The following PTH2R variants were observed in gnomAD, a reference collection of about 807,000 sequenced individuals.
PTH2R encodes the protein parathyroid hormone 2 receptor.
A neutral mutation model predicts 60.3 loss-of-function variants in PTH2R; 59 were observed. The observed-to-expected ratio is 0.98, with a 90% confidence interval of 0.79 to 1.22. The LOEUF (loss-of-function observed/expected upper bound fraction) is 1.22. Ranked by LOEUF, PTH2R falls within the 50% of genes most tolerant of loss-of-function variation. The probability of loss-of-function intolerance (pLI) is 0.00; values close to 1 mark genes in which losing one functional copy is unlikely to be tolerated. For synonymous variants in PTH2R, 256 were observed against 243.8 expected (o/e 1.05, Z -0.47); for missense variants, 749 against 682.6 (o/e 1.10, Z -1.08).
chr2:208,467,626 C>CT (rs1352573907), intron 9 of PTH2R, among the ~76,000 whole-genome samples: 9 of 152,160 alleles, frequency 5.9e-5, no homozygotes, highest in Admixed American at 2.0e-4. Context: ...GGCTAAGTAG[C>CT]TTTATTGGAG....
chr2:208,481,006 G>A (rs955779212), intron 9 of PTH2R, 64 bp from the exon 10 acceptor site: 12 of 1,216,268 alleles, frequency 9.9e-6, no homozygotes, highest in Admixed American at 2.2e-5. Flanking sequence ...TTCAATTTAT[G>A]TAAATGTTTA....
intron 9 of PTH2R, among the ~76,000 whole-genome samples, chr2:208,477,907 GTAC>G (rs1703045735): frequency 1.4e-5 from 2 of 147,350 alleles, no homozygotes; most frequent in Non-Finnish European, 3.0e-5. Flanking sequence ...ACTACTACTA[GTAC>G]TAGCACTACT....
intron 8 of PTH2R, among the ~76,000 whole-genome samples, chr2:208,452,096 A>G (rs1702417601): frequency 6.6e-6 from 1 of 152,204 alleles, no homozygotes; most frequent in Non-Finnish European, 1.5e-5. Context: ...AACACTTAGC[A>G]TAGTACCTGG....
chr2:208,399,878 G>A (rs1180279510), intron 1 of PTH2R, among the ~76,000 whole-genome samples: 1 of 152,052 alleles, frequency 6.6e-6, no homozygotes, highest in Non-Finnish European at 1.5e-5. Context: ...TTTCCTTTCT[G>A]ATAGAGAAAA....
In PTH2R at chr2:208,490,810, T is replaced by C. The variant is rs576979002; in HGVS notation, c.1257+130T>C. ...GGTGAGGAGAAGGAAGCTATTTTAA[T>C]CATAAATTATTTTGGAAAAGAAAGA... On this transcript the variant is annotated intron_variant, in intron 12 of 12. Coordinates refer to ENST00000272847, the MANE Select transcript of PTH2R (RefSeq NM_005048.4). 10 of 835,978 alleles carry C rather than the reference T, an allele frequency of 1.2e-5. 1 individual carries two copies. In the South Asian group the frequency reaches 1.7e-4, roughly 15 times the overall value. 51.8% of individuals were successfully genotyped at this position (835,978 alleles called of 1,614,324 possible). A position where few individuals can be genotyped will look rare whatever the true frequency, so the allele number is the denominator to read the frequency against.
intron 4 of PTH2R, among the ~76,000 whole-genome samples, chr2:208,438,177 A>G (rs1429188350): frequency 3.3e-5 from 5 of 152,272 alleles, no homozygotes; most frequent in Middle Eastern, 3.4e-3. Context: ...TATTATGAAT[A>G]AAAATCCCAA....
At chr2:208,487,777 G>A (rs1341987925) in intron 10 of PTH2R, among the ~76,000 whole-genome samples, 2 of 152,290 alleles carry the variant, frequency 1.3e-5, no homozygotes, top group Admixed American at 6.5e-5. Context: ...ATTGTTGGTA[G>A]GATTCAGTTA....
intron 9 of PTH2R, among the ~76,000 whole-genome samples, chr2:208,461,664 G>A (rs1404301301): frequency 6.6e-6 from 1 of 152,182 alleles, no homozygotes; most frequent in Non-Finnish European, 1.5e-5. Flanking sequence ...AGAGATCCTT[G>A]TAAAATTATC....
chr2:208,383,467 G>T (rs1010290474), intron 1 of PTH2R, among the ~76,000 whole-genome samples: 1 of 152,162 alleles, frequency 6.6e-6, no homozygotes, highest in African/African-American at 2.4e-5. Flanking sequence ...AAATTTTCTT[G>T]TAGAATTGTT....
intron 1 of PTH2R, among the ~76,000 whole-genome samples, chr2:208,397,403 C>T (rs535739970): frequency 4.3e-4 from 66 of 152,178 alleles, no homozygotes; most frequent in African/African-American, 1.5e-3. Flanking sequence ...CCTTGGATTC[C>T]TGGCCAATGC....
rs979936056 is a variant in PTH2R at position 208,460,051 on chromosome 2, A to G, written c.981+90A>G. The G allele has an allele frequency of 8.3e-6, 9 of 1,089,398 alleles. No homozygotes were observed. The African/African-American group carries it at 1.4e-4, about 17-fold the overall frequency. 67.5% of individuals were successfully genotyped at this position (1,089,398 alleles called of 1,614,324 possible). On this transcript the variant is annotated intron_variant, in intron 9 of 12. Transcript: ENST00000272847. ...GAAAGTGTGTCTGTCACTGCATTCTACAACAGATCTGAGAAACTGACAAGT... is the reference window on the plus strand; with the variant it reads ...GAAAGTGTGTCTGTCACTGCATTCTGCAACAGATCTGAGAAACTGACAAGT...
At chr2:208,400,159 C>A (rs778465375) in intron 1 of PTH2R, among the ~76,000 whole-genome samples, 2 of 152,144 alleles carry the variant, frequency 1.3e-5, no homozygotes, top group Non-Finnish European at 2.9e-5. Context: ...TTATACCTTA[C>A]TAAAATATTA....
chr2:208,368,998 A>G (rs1240306530), intron 1 of PTH2R, among the ~76,000 whole-genome samples: 1 of 151,174 alleles, frequency 6.6e-6, no homozygotes, highest in East Asian at 1.9e-4. Context: ...AAGTATTTCA[A>G]TGTGAGTGAA....
chr2:208,373,601 A>G (rs1021779348), intron 1 of PTH2R, among the ~76,000 whole-genome samples: 2 of 152,096 alleles, frequency 1.3e-5, no homozygotes, highest in Non-Finnish European at 2.9e-5. Flanking sequence ...GGAAGAGGGT[A>G]TTTGCAGGGA....
chr2:208,419,229 G>A (rs1386585828), intron 1 of PTH2R, among the ~76,000 whole-genome samples: 1 of 152,190 alleles, frequency 6.6e-6, no homozygotes, highest in African/African-American at 2.4e-5. Flanking sequence ...GGTGTGAGAT[G>A]GTATCTCATT....
intron 6 of PTH2R, 22 bp from the exon 7 acceptor site, chr2:208,444,712 A>G: frequency 6.2e-7 from 1 of 1,607,270 alleles, no homozygotes; most frequent in East Asian, 2.2e-5. Flanking sequence ...AATATGATGA[A>G]ATTCTGGTTT....
chr2:208,443,354 G>A lies in PTH2R; in HGVS notation c.516G>A (p.Leu172=). 6.4e-7 allele frequency: 1 copy of A among 1,560,968 alleles called. No homozygotes were observed. Among genetic ancestry groups the A allele is most frequent in the Non-Finnish European group, 8.6e-7 (1 of 1,157,034 alleles). Residue 172 remains leucine, a synonymous_variant, in exon 6 of 13, where the codon TTG becomes TTA. Coordinates refer to ENST00000272847, the MANE Select transcript of PTH2R (RefSeq NM_005048.4). ...TGAATATTTCTCTCCGTAGACGATTGCATTGCACTAGGAACTATATCCACA... is the reference window on the plus strand; with the variant it reads ...TGAATATTTCTCTCCGTAGACGATTACATTGCACTAGGAACTATATCCACA... ...AILIIGYFRR[L]HCTRNYIHMH...
At chr2:208,483,471 T>C (rs1209249714) in intron 10 of PTH2R, among the ~76,000 whole-genome samples, 1 of 152,218 alleles carries the variant, frequency 6.6e-6, no homozygotes, top group Non-Finnish European at 1.5e-5. Context: ...CTAATACTTT[T>C]AGTAAAGTGT....
At chr2:208,404,658 C>T (rs1701368095), upstream of PTH2R, among the ~76,000 whole-genome samples, 1 of 152,112 alleles carries the variant, frequency 6.6e-6, no homozygotes, top group African/African-American at 2.4e-5. Flanking sequence ...CCTAATTAAA[C>T]AGAGAGAAAG....
Sources: gnomAD v4.1 joint callset for allele counts (sites outside exome capture counted in the v4.1 genomes callset) on GRCh38, gnomAD v4.1.1 for gene constraint, MANE v1.5 for transcripts, NCBI Gene and HGNC (gene_info 2026-07-23, HGNC 2026-07-21) for gene names.